ARID1A: variants seen among roughly 807,000 people sequenced by gnomAD.
ARID1A encodes the protein AT-rich interaction domain 1A.
ARID1A carries 20 observed loss-of-function variants against 212.6 expected under a neutral mutation model. The ratio of observed to expected loss-of-function variants is 0.09; its 90% CI spans 0.07 to 0.14. ARID1A has a LOEUF of 0.14. Ranked by LOEUF, ARID1A falls within the 10% of genes least tolerant of loss-of-function variation. The pLI is 1.00. For missense variants in ARID1A, 2,587 were observed against 3,059.0 expected (o/e 0.85, Z 3.64); for synonymous variants, 1,376 against 1,222.1 (o/e 1.13, Z -2.63).
intron 4 of ARID1A, among the ~76,000 whole-genome samples, chr1:26,759,403 T>G (rs1266756819): frequency 6.6e-6 from 1 of 152,102 alleles, no homozygotes; most frequent in African/African-American, 2.4e-5. Context: ...GACAGGGTTT[T>G]TGCCACGTTG....
chr1:26,733,307 A>G (rs1457546380), intron 4 of ARID1A, among the ~76,000 whole-genome samples: 1 of 151,468 alleles, frequency 6.6e-6, no homozygotes, highest in South Asian at 2.1e-4. Flanking sequence ...TGCTTAAGTT[A>G]TGGAATCAGG....
chr1:26,733,432 T>C (rs1423496047), intron 4 of ARID1A, among the ~76,000 whole-genome samples: 1 of 152,070 alleles, frequency 6.6e-6, no homozygotes, highest in East Asian at 1.9e-4. Context: ...ACCAACTCTG[T>C]TTCATAGGGG....
At chr1:26,708,780 C>T (rs185128292) in intron 1 of ARID1A, among the ~76,000 whole-genome samples, 195 of 151,314 alleles carry the variant, frequency 1.3e-3, no homozygotes, top group African/African-American at 3.7e-3. Flanking sequence ...CTGCAAGCTC[C>T]GTCTCCTGGG....
At chr1:26,754,914 T>C (rs1262748267) in intron 4 of ARID1A, among the ~76,000 whole-genome samples, 1 of 152,160 alleles carries the variant, frequency 6.6e-6, no homozygotes, top group African/African-American at 2.4e-5. Context: ...AGCTCAGGAA[T>C]TTGAGACCAG....
chr1:26,748,389 C>A (rs911609990), intron 4 of ARID1A, among the ~76,000 whole-genome samples: 4 of 152,120 alleles, frequency 2.6e-5, no homozygotes, highest in African/African-American at 9.7e-5. Flanking sequence ...TACTCAAGTT[C>A]TAAGATTATA....
chr1:26,748,873 G>A (rs915788612), intron 4 of ARID1A, among the ~76,000 whole-genome samples: 1 of 151,486 alleles, frequency 6.6e-6, no homozygotes, highest in Admixed American at 6.6e-5. Flanking sequence ...TTTATTTTTG[G>A]AAAACTCTCG....
rs1391509484 is a variant in ARID1A at position 26,732,874 on chromosome 1, T to G, written c.1920+82T>G. The G allele has an allele frequency of 7.2e-6, 9 of 1,247,134 alleles. No homozygotes were observed. The African/African-American group carries it at 7.5e-5, about 10-fold the overall frequency. The allele number at this position is 1,247,134 out of a possible 1,614,324, so 77.3% of individuals were successfully genotyped here. On this transcript the variant is annotated intron_variant, in intron 4 of 19. Coordinates refer to ENST00000324856, the MANE Select transcript of ARID1A (RefSeq NM_006015.6). ...ACTAGTTAGTTTCTGGTTGGAAGTT[T>G]AGCTAATTTTGACCTAAATGAATAA...
In ARID1A at chr1:26,696,661, C is replaced by T. The variant is rs1449934105; in HGVS notation, c.258C>T (p.Gly86=). 3 of 1,316,042 alleles carry T rather than the reference C, an allele frequency of 2.3e-6. No homozygotes were observed. Among genetic ancestry groups the T allele is most frequent in the Non-Finnish European group, 9.7e-7 (1 of 1,035,846 alleles). 81.5% of individuals were successfully genotyped at this position (1,316,042 alleles called of 1,614,324 possible). Residue 86 remains glycine (G), a synonymous_variant, in exon 1 of 20, where the codon GGC becomes GGT. Transcript: ENST00000324856. ...AGAGCAATGGGGGTGGCGGCGGCGG[C>T]GGAGCCGGCAGCGGCGGCGGGCCCG... ...GAESNGGGGG[G]GAGSGGGPGA... is the part of the protein sequence containing the mutation.
Position 26,720,047 on chromosome 1 carries a change from TTG to T in ARID1A, c.1138-9603_1138-9602del, listed in dbSNP as rs529082890. On this transcript the variant is annotated intron_variant, in intron 1 of 19. Coordinates refer to ENST00000324856, the MANE Select transcript of ARID1A (RefSeq NM_006015.6). ...GCAGGTGGATCACGAGGTCAGGTGT[TTG>T]AGACCAGCCTGACCAACATGGTGAA... Among the ~76,000 whole-genome samples, 88 of 150,218 alleles carry T rather than the reference TTG, an allele frequency of 5.9e-4. 1 individual carries two copies. The highest frequency in any genetic ancestry group is 6.8e-4 in the Non-Finnish European group (46 of 67,648).
intron 4 of ARID1A, among the ~76,000 whole-genome samples, chr1:26,760,146 T>G (rs2080977392): frequency 6.6e-6 from 1 of 152,232 alleles, no homozygotes; most frequent in African/African-American, 2.4e-5. Flanking sequence ...AAAGCCTCAC[T>G]GAAATAGTTG....
At chr1:26,759,415 C>T (rs1399588567) in intron 4 of ARID1A, among the ~76,000 whole-genome samples, 2 of 152,110 alleles carry the variant, frequency 1.3e-5, no homozygotes, top group South Asian at 2.1e-4. Context: ...GCCACGTTGC[C>T]CAGGCTGGTC....
At position 26,729,851 on chromosome 1, in the gene ARID1A, T is replaced by G; in HGVS notation, c.1338T>G (p.Ser446=). The change falls in exon 2 of 20, where the codon TCT becomes TCG. Residue 446 remains serine (S), a synonymous_variant. Transcript: ENST00000324856. ...CGCAGAGTGCCATGGGCGGCCTCTC[T>G]TATACACAGCAGGTAGATGGTGATT... The part of the protein sequence containing the change: ...GRAQSAMGGL[S]YTQQIPPYGQ... 6.2e-7 allele frequency: 1 copy of G among 1,613,984 alleles called. No individual in the cohort carries two copies. The highest frequency in any genetic ancestry group is 8.5e-7 in the Non-Finnish European group (1 of 1,179,954).
intron 13 of ARID1A, 34 bp from the exon 14 acceptor site, chr1:26,772,778 A>G: frequency 6.2e-7 from 1 of 1,608,860 alleles, no homozygotes; most frequent in East Asian, 2.2e-5. Flanking sequence ...GAATTGGTTT[A>G]TTTGTGGTTT....
At chr1:26,759,071 T>C (rs12731749) in intron 4 of ARID1A, among the ~76,000 whole-genome samples, 8,641 of 152,176 alleles carry the variant, frequency 0.057, 320 homozygotes, top group Non-Finnish European at 0.08. Flanking sequence ...TGTCAGATCT[T>C]AGGGTCAAAG....
chr1:26,737,865 CAA>C (rs112529489), intron 4 of ARID1A, among the ~76,000 whole-genome samples: 9 of 117,972 alleles, frequency 7.6e-5, no homozygotes, highest in African/African-American at 9.6e-5. Flanking sequence ...AACTCCGTCT[CAA>C]AAAAAAAAAA....
At chr1:26,762,349 AC>A in intron 7 of ARID1A, 30 bp downstream of exon 7, 1 of 1,599,724 alleles carries the variant, frequency 6.3e-7, no homozygotes, top group Non-Finnish European at 8.5e-7. Flanking sequence ...AGGAGTAGAT[AC>A]GGGTGAGAGG....
At position 26,696,565 on chromosome 1, in the gene ARID1A, C is replaced by T. The variant is rs1001634270; in HGVS notation, c.162C>T (p.Ala54=). ...AAERGEMKAA[A]GQESEGPAVG... ...AGCGCGGGGAAATGAAGGCAGCCGC[C>T]GGGCAGGAAAGCGAGGGCCCCGCCG... The change falls in exon 1 of 20, where the codon GCC becomes GCT. Residue 54 remains alanine (A), a synonymous_variant. Coordinates refer to ENST00000324856, the MANE Select transcript of ARID1A (RefSeq NM_006015.6). 1.4e-4 allele frequency: 176 copies of T among 1,229,960 alleles called. 1 individual carries two copies. The African/African-American group carries it at 2.4e-3, about 17-fold the overall frequency. The allele number at this position is 1,229,960 out of a possible 1,614,324, so 76.2% of individuals were successfully genotyped here.
intron 11 of ARID1A, chr1:26,770,650 C>G (rs1200717677): frequency 6.2e-6 from 1 of 161,470 alleles, no homozygotes; most frequent in Non-Finnish European, 1.3e-5. Context: ...CCCAGCTACT[C>G]GGGAGGCTGA....
chr1:26,696,532 A>AGCGGCC lies in ARID1A; in HGVS notation c.131_136dup (p.Ala44_Ala45dup). On this transcript the variant is annotated inframe_insertion, in exon 1 of 20. Transcript: ENST00000324856. ...CGGGGGGCGAGGCGGCGGCGGCGGCAGCGGCCGAGCGCGGGGAAATGAAGG... is the reference window on the plus strand; with the variant it reads ...CGGGGGGCGAGGCGGCGGCGGCGGCAGCGGCCGCGGCCGAGCGCGGGGAAATGAAGG... 1 of 1,214,788 alleles carries AGCGGCC rather than the reference A, an allele frequency of 8.2e-7. No homozygotes were observed. Among genetic ancestry groups the AGCGGCC allele is most frequent in the South Asian group, 4.0e-5 (1 of 24,936 alleles). The allele number at this position is 1,214,788 out of a possible 1,614,324, so 75.3% of individuals were successfully genotyped here.
Sources: gnomAD v4.1 joint callset for allele counts (sites outside exome capture counted in the v4.1 genomes callset) on GRCh38, gnomAD v4.1.1 for gene constraint, MANE v1.5 for transcripts, NCBI Gene and HGNC (gene_info 2026-07-23, HGNC 2026-07-21) for gene names.